UNC13C: variants seen among roughly 807,000 people sequenced by gnomAD.
UNC13C encodes the protein protein unc-13 homolog C.
A neutral mutation model predicts 245.4 loss-of-function variants in UNC13C; 174 were observed. That is an observed-to-expected ratio of 0.71 (90% CI 0.63 to 0.80). The LOEUF (loss-of-function observed/expected upper bound fraction) is 0.80. UNC13C is among the 30% of genes least tolerant of loss of function. The pLI, the probability that UNC13C is intolerant of heterozygous loss-of-function variation, is 0.00. For synonymous variants in UNC13C, 992 were observed against 895.1 expected, an observed-to-expected ratio of 1.11 and a Z score of -1.93; for missense variants, 2,829 against 2,602.9, an observed-to-expected ratio of 1.09 and a Z score of -1.89.
chr15:54,328,884 C>G (rs1044966380), intron 14 of UNC13C, among the ~76,000 whole-genome samples: 2 of 151,918 alleles, frequency 1.3e-5, no homozygotes, highest in Non-Finnish European at 2.9e-5. Context: ...TTCAAATTTC[C>G]ACATCCATAA....
intron 4 of UNC13C, among the ~76,000 whole-genome samples, chr15:54,158,218 C>A (rs1004115818): frequency 6.6e-6 from 1 of 152,212 alleles, no homozygotes; most frequent in Admixed American, 6.5e-5. Flanking sequence ...AATAAGTAGA[C>A]CTCATCAGAG....
chr15:53,902,872 A>C, the UNC13C span, among the ~76,000 whole-genome samples: 1 of 152,226 alleles, frequency 6.6e-6, no homozygotes, highest in East Asian at 1.9e-4. Flanking sequence ...ATGAAGGCAG[A>C]AAATAATGGC....
intron 18 of UNC13C, among the ~76,000 whole-genome samples, chr15:54,402,164 G>T (rs1405564373): frequency 6.6e-6 from 1 of 151,744 alleles, no homozygotes; most frequent in Non-Finnish European, 1.5e-5. Flanking sequence ...AGTTCATAGT[G>T]GGCAGAATAG....
chr15:54,198,416 T>C (rs1363805913), intron 4 of UNC13C, among the ~76,000 whole-genome samples: 1 of 152,052 alleles, frequency 6.6e-6, no homozygotes, highest in Non-Finnish European at 1.5e-5. Flanking sequence ...AAAACCAGCA[T>C]ACTAAACAAA....
At chr15:54,630,355 A>T (rs1027696224), downstream of UNC13C, 2 of 152,208 alleles carry the variant, frequency 1.3e-5, no homozygotes, top group African/African-American at 4.8e-5. Context: ...TTTATAAATG[A>T]CAATTCTAAC....
chr15:53,857,002 C>G, the UNC13C span, among the ~76,000 whole-genome samples: 3 of 152,082 alleles, frequency 2.0e-5, no homozygotes, highest in Non-Finnish European at 4.4e-5. Context: ...TTAGTTCTTC[C>G]TGTTTAATTG....
chr15:53,880,170 G>A, the UNC13C span, among the ~76,000 whole-genome samples: 146 of 152,152 alleles, frequency 9.6e-4, 1 homozygote, highest in African/African-American at 3.3e-3. Context: ...TTAAAATGCA[G>A]GATCTCCGAG....
chr15:54,348,449 A>G (rs2038908795), intron 17 of UNC13C, among the ~76,000 whole-genome samples: 2 of 152,182 alleles, frequency 1.3e-5, no homozygotes, highest in Non-Finnish European at 1.5e-5. Context: ...AATTTGTAGC[A>G]TATAACACTG....
the UNC13C span, among the ~76,000 whole-genome samples, chr15:53,899,794 C>T: frequency 1.3e-5 from 2 of 152,160 alleles, no homozygotes; most frequent in Admixed American, 6.5e-5. Context: ...AACTCCCGAC[C>T]TCAGGTGATC....
intron 10 of UNC13C, among the ~76,000 whole-genome samples, chr15:54,276,294 T>C (rs2140908386): frequency 6.6e-6 from 1 of 152,272 alleles, no homozygotes; most frequent in African/African-American, 2.4e-5. Flanking sequence ...CAGCTAATTG[T>C]ATTTTAGTTA....
the UNC13C span, among the ~76,000 whole-genome samples, chr15:53,887,205 C>G: frequency 1.3e-5 from 2 of 152,050 alleles, no homozygotes; most frequent in African/African-American, 4.8e-5. Flanking sequence ...TGGAAACTGT[C>G]TGTACTATCT....
At position 54,087,282 on chromosome 15, in the gene UNC13C, A is replaced by G. The variant is rs546505834; in HGVS notation, c.2984-55736A>G. On this transcript the variant is annotated intron_variant, in intron 2 of 32. Transcript: ENST00000260323. ...GAGAGCCCTTGGAAATCACTAGTTCATCATCAGTACAGGTATACTTTCTAT... is the reference window on the plus strand; with the variant it reads ...GAGAGCCCTTGGAAATCACTAGTTCGTCATCAGTACAGGTATACTTTCTAT... 2.0e-5 allele frequency among the ~76,000 whole-genome samples: 3 copies of G among 152,322 alleles called. No individual in the cohort carries two copies. The East Asian group carries it at 5.8e-4, about 29-fold the overall frequency.
At chr15:54,043,019 T>C (rs1320647830) in intron 2 of UNC13C, among the ~76,000 whole-genome samples, 2 of 152,168 alleles carry the variant, frequency 1.3e-5, no homozygotes, top group Admixed American at 6.5e-5. Context: ...ACTGCTGCTC[T>C]ATAAGGAAAG....
intron 4 of UNC13C, among the ~76,000 whole-genome samples, chr15:54,204,416 C>G (rs2034644995): frequency 6.6e-6 from 1 of 151,022 alleles, no homozygotes; most frequent in Non-Finnish European, 1.5e-5. Context: ...AGTATAAGGG[C>G]TGTAGGCATA....
the UNC13C span, among the ~76,000 whole-genome samples, chr15:53,915,739 T>A: frequency 2.0e-5 from 3 of 152,198 alleles, no homozygotes; most frequent in Non-Finnish European, 2.9e-5. Flanking sequence ...ATTTTAAAAG[T>A]CTATAAACCA....
At chr15:53,948,129 T>A in the UNC13C span, 1 of 152,176 alleles carries the variant, frequency 6.6e-6, no homozygotes, top group Non-Finnish European at 1.5e-5. Context: ...AAAGGTATTT[T>A]CCATCTCAAA....
chr15:53,935,955 G>A, the UNC13C span, among the ~76,000 whole-genome samples: 3 of 152,316 alleles, frequency 2.0e-5, no homozygotes, highest in Middle Eastern at 3.4e-3. Context: ...CTAGCCCTGG[G>A]AATTCTGGCA....
intron 10 of UNC13C, 41 bp from the exon 11 acceptor site, chr15:54,293,854 C>T (rs779652846): frequency 3.6e-5 from 52 of 1,442,318 alleles, no homozygotes; most frequent in Non-Finnish European, 3.9e-5. Flanking sequence ...GAATTTAGAG[C>T]AGTTTTCAAT....
chr15:54,009,734 A>G (rs1895298724), intron 1 of UNC13C, among the ~76,000 whole-genome samples: 1 of 152,086 alleles, frequency 6.6e-6, no homozygotes, highest in South Asian at 2.1e-4. Context: ...TTTAGTACAG[A>G]TAGGATTTCA....
Sources: gnomAD v4.1 joint callset for allele counts (sites outside exome capture counted in the v4.1 genomes callset) on GRCh38, gnomAD v4.1.1 for gene constraint, MANE v1.5 for transcripts, NCBI Gene and HGNC (gene_info 2026-07-23, HGNC 2026-07-21) for gene names.